FGGY: variants seen among roughly 807,000 people sequenced by gnomAD.
FGGY encodes the protein FGGY carbohydrate kinase domain-containing protein.
Under a neutral mutation model 71.3 loss-of-function variants are expected in FGGY, and 72 were observed. That is an observed-to-expected ratio of 1.01 (90% CI 0.84 to 1.23). The LOEUF (loss-of-function observed/expected upper bound fraction) is 1.23, where lower values mean the gene tolerates loss of function less well. Ranked by LOEUF, FGGY falls within the 50% of genes most tolerant of loss-of-function variation. The pLI, the probability that FGGY is intolerant of heterozygous loss-of-function variation, is 0.00. For synonymous variants in FGGY, 251 were observed against 250.3 expected (o/e 1.00, Z -0.02); for missense variants, 668 against 682.3 (o/e 0.98, Z 0.23).
chr1:59,751,857 A>C (rs1243649024), intron 14 of FGGY, among the ~76,000 whole-genome samples: 1 of 152,212 alleles, frequency 6.6e-6, no homozygotes, highest in Non-Finnish European at 1.5e-5. Context: ...CATTGACTGA[A>C]TCTTTTTTAG....
At chr1:59,372,604 T>A (rs559710951) in intron 4 of FGGY, among the ~76,000 whole-genome samples, 3,082 of 151,956 alleles carry the variant, frequency 0.02, 47 homozygotes, top group Non-Finnish European at 0.031. Flanking sequence ...GAGACACAAT[T>A]AAAAAAGAGA....
At chr1:59,397,754 G>GT (rs2061490848) in intron 5 of FGGY, among the ~76,000 whole-genome samples, 1 of 152,174 alleles carries the variant, frequency 6.6e-6, no homozygotes, top group Admixed American at 6.5e-5. Flanking sequence ...TTTAAAAAAG[G>GT]TCTCAGCTTA....
At chr1:59,657,750 G>GGCTCTATATGAGGTAGGGTC (rs2097234325) in intron 11 of FGGY, among the ~76,000 whole-genome samples, 3 of 152,162 alleles carry the variant, frequency 2.0e-5, no homozygotes, top group Admixed American at 2.0e-4. Context: ...TCAAGACAAA[G>GGCTCTATATGAGGTAGGGTC]GCTCTATATG....
At chr1:59,604,961 CAAAG>C (rs1456932116) in intron 8 of FGGY, among the ~76,000 whole-genome samples, 1 of 152,146 alleles carries the variant, frequency 6.6e-6, no homozygotes, top group Non-Finnish European at 1.5e-5. Context: ...TTTCACTGGG[CAAAG>C]AAAGGCAGAG....
chr1:59,314,132 A>AT (rs1307983313), intron 1 of FGGY, among the ~76,000 whole-genome samples: 2 of 151,914 alleles, frequency 1.3e-5, no homozygotes, highest in African/African-American at 2.4e-5. Flanking sequence ...CACTCGGCTA[A>AT]TTTTTTGTAT....
intron 7 of FGGY, among the ~76,000 whole-genome samples, chr1:59,533,922 G>A (rs557464279): frequency 7.0e-4 from 107 of 152,354 alleles, no homozygotes; most frequent in African/African-American, 2.3e-3. Context: ...AACGCAGAGC[G>A]CCTCTCCTCC....
At chr1:59,422,800 A>T (rs1003871906) in intron 5 of FGGY, among the ~76,000 whole-genome samples, 1 of 152,252 alleles carries the variant, frequency 6.6e-6, no homozygotes, top group African/African-American at 2.4e-5. Context: ...CTAAAAGGAA[A>T]GACAGGAAAA....
In FGGY at chr1:59,415,711, A is replaced by G. The variant is rs771179093; in HGVS notation, c.554+36874A>G. ...CCACCACTAGACTGTGGTCTCCTCTAGGTCCAGGACTGAATTTTATTCATC... is the reference window on the plus strand; with the variant it reads ...CCACCACTAGACTGTGGTCTCCTCTGGGTCCAGGACTGAATTTTATTCATC... On this transcript the variant is annotated intron_variant, in intron 5 of 15. Transcript: ENST00000303721. Among the ~76,000 whole-genome samples, 4 of 152,310 alleles carry G rather than the reference A, an allele frequency of 2.6e-5. No individual in the cohort carries two copies. The East Asian group carries it at 7.7e-4, about 29-fold the overall frequency.
intron 1 of FGGY, among the ~76,000 whole-genome samples, chr1:59,317,224 A>G (rs2045608428): frequency 6.6e-6 from 1 of 152,184 alleles, no homozygotes; most frequent in Non-Finnish European, 1.5e-5. Context: ...TGAAGAAGTA[A>G]TCAAAGGGTT....
intron 5 of FGGY, among the ~76,000 whole-genome samples, chr1:59,432,159 G>A (rs576268127): frequency 5.1e-4 from 77 of 152,306 alleles, no homozygotes; most frequent in African/African-American, 1.7e-3. Context: ...TCCCGGGTTG[G>A]TGAACAAGTG....
chr1:59,657,169 A>T (rs1245370133), intron 11 of FGGY, among the ~76,000 whole-genome samples: 1 of 152,214 alleles, frequency 6.6e-6, no homozygotes, highest in Non-Finnish European at 1.5e-5. Flanking sequence ...TTATTATACA[A>T]AGCACTGGGG....
Position 59,512,381 on chromosome 1 carries a change from C to T in FGGY, c.741C>T (p.Gly247=), listed in dbSNP as rs933318072. 1 of 1,613,624 alleles carries T rather than the reference C, an allele frequency of 6.2e-7. No homozygotes were observed. The highest frequency in any genetic ancestry group is 8.5e-7 in the Non-Finnish European group (1 of 1,179,766). Residue 247 remains glycine (G), a synonymous_variant, in exon 7 of 16, where the codon GGC becomes GGT. Transcript: ENST00000303721. ...GLTPEAARDL[G]LLPGIAVAAS... The stretch of plus-strand genomic sequence containing the variant: ...CACCAGAGGCAGCAAGAGACCTTGG[C>T]CTTCTCCCTGGGATTGCGGTCGCAG...
chr1:59,762,726 C>G lies in FGGY; in HGVS notation c.*142C>G, dbSNP rs1016217491. The G allele has an allele frequency of 1.3e-5, 8 of 636,974 alleles. No individual in the cohort carries two copies. The African/African-American group carries it at 1.3e-4, about 10-fold the overall frequency. 39.5% of individuals were successfully genotyped at this position (636,974 alleles called of 1,614,324 possible). A position where few individuals can be genotyped will look rare whatever the true frequency, so the allele number is the denominator to read the frequency against. On this transcript the variant is annotated 3_prime_UTR_variant, in exon 16 of 16. Transcript: ENST00000303721. Reference sequence around the variant, plus strand: ...AATAAAGAAAACAAACATGTGCAACCAGAATTAGAGTCTTCATTTCAAAAT... The same window carrying G: ...AATAAAGAAAACAAACATGTGCAACGAGAATTAGAGTCTTCATTTCAAAAT...
intron 14 of FGGY, among the ~76,000 whole-genome samples, chr1:59,716,482 T>C (rs2097846774): frequency 6.6e-6 from 1 of 152,158 alleles, no homozygotes; most frequent in Non-Finnish European, 1.5e-5. Flanking sequence ...CTCCCAGGAA[T>C]CTTTGCACTC....
chr1:59,354,062 A>C (rs761630143), intron 4 of FGGY, among the ~76,000 whole-genome samples: 7 of 151,338 alleles, frequency 4.6e-5, no homozygotes, highest in Non-Finnish European at 7.4e-5. Context: ...CAGCTACCCT[A>C]TAATTATTGT....
chr1:59,504,889 A>T (rs1228783340), intron 6 of FGGY, among the ~76,000 whole-genome samples: 3 of 152,224 alleles, frequency 2.0e-5, no homozygotes, highest in Non-Finnish European at 2.9e-5. Flanking sequence ...AAAAAAACTA[A>T]GTTCAGCTAA....
At chr1:59,736,333 A>G (rs1340116551) in intron 14 of FGGY, among the ~76,000 whole-genome samples, 2 of 152,182 alleles carry the variant, frequency 1.3e-5, no homozygotes, top group African/African-American at 4.8e-5. Context: ...ATACCCAAAA[A>G]TGTGGAATTG....
intron 6 of FGGY, among the ~76,000 whole-genome samples, chr1:59,468,459 G>C (rs1224919631): frequency 4.6e-5 from 7 of 152,126 alleles, no homozygotes; most frequent in African/African-American, 1.7e-4. Flanking sequence ...TTCACAGAAG[G>C]AAAACAAGAA....
chr1:59,652,984 AGCTGCAGGTCT>A (rs1377962714), intron 11 of FGGY, among the ~76,000 whole-genome samples: 1 of 152,088 alleles, frequency 6.6e-6, no homozygotes, highest in African/African-American at 2.4e-5. Context: ...CAGGACCCTC[AGCTGCAGGTCT>A]GTTGGAATAC....
Sources: gnomAD v4.1 joint callset for allele counts (sites outside exome capture counted in the v4.1 genomes callset) on GRCh38, gnomAD v4.1.1 for gene constraint, MANE v1.5 for transcripts, NCBI Gene and HGNC (gene_info 2026-07-23, HGNC 2026-07-21) for gene names.